Variants in XKR4 observed in about 807,000 individuals in gnomAD.
XKR4 encodes XK-related protein 4.
In XKR4, 12 loss-of-function variants were observed where a neutral mutation model predicts 53.9. That is an observed-to-expected ratio of 0.22 (90% CI 0.14 to 0.36). The LOEUF is 0.36. XKR4 is among the 10% of genes least tolerant of loss of function. The pLI is 1.00. For synonymous variants in XKR4, 354 were observed against 362.4 expected, an observed-to-expected ratio of 0.98 and a Z score of 0.26; for missense variants, 799 against 859.5, an observed-to-expected ratio of 0.93 and a Z score of 0.88.
intron 2 of XKR4, among the ~76,000 whole-genome samples, chr8:55,445,990 G>A (rs1276262256): frequency 6.6e-6 from 1 of 152,182 alleles, no homozygotes; most frequent in African/African-American, 2.4e-5. Flanking sequence ...ATCTCCTTGT[G>A]CTGTGTGAGC....
At position 55,450,482 on chromosome 8, in the gene XKR4, T is replaced by G. The variant is rs72645677; in HGVS notation, c.1007-72799T>G. ...CTGGCTCCTGCGCTGCCCCTTCTCCTCGTACAGCAGCCCCAGCTCAATGTG... is the reference window on the plus strand; with the variant it reads ...CTGGCTCCTGCGCTGCCCCTTCTCCGCGTACAGCAGCCCCAGCTCAATGTG... On this transcript the variant is annotated intron_variant, in intron 2 of 2. Coordinates refer to ENST00000327381, the MANE Select transcript of XKR4 (RefSeq NM_052898.2). 1.1e-3 allele frequency: 689 copies of G among 615,934 alleles called. 2 individuals carry two copies. Among genetic ancestry groups the G allele is most frequent in the Non-Finnish European group, 1.8e-3 (602 of 328,036 alleles). The allele number at this position is 615,934 out of a possible 1,614,324, so 38.2% of individuals were successfully genotyped here. A position where few individuals can be genotyped will look rare whatever the true frequency, so the allele number is the denominator to read the frequency against.
At chr8:55,218,887 G>A (rs988739527) in intron 1 of XKR4, among the ~76,000 whole-genome samples, 1 of 152,138 alleles carries the variant, frequency 6.6e-6, no homozygotes, top group East Asian at 1.9e-4. Context: ...TGTAGGAATT[G>A]TTCTCACATC....
At chr8:55,106,000 C>T (rs571094467) in intron 1 of XKR4, among the ~76,000 whole-genome samples, 1 of 152,290 alleles carries the variant, frequency 6.6e-6, no homozygotes, top group Non-Finnish European at 1.5e-5. Flanking sequence ...CCCTGTGCCT[C>T]TTCTAGCTTT....
At chr8:55,495,147 C>T (rs376839634) in intron 2 of XKR4, among the ~76,000 whole-genome samples, 167 of 152,334 alleles carry the variant, frequency 1.1e-3, no homozygotes, top group African/African-American at 3.9e-3. Context: ...CATGTGCACA[C>T]CCAGCCAGGC....
intron 1 of XKR4, among the ~76,000 whole-genome samples, chr8:55,290,094 T>C (rs1427516716): frequency 6.6e-6 from 1 of 152,010 alleles, no homozygotes; most frequent in African/African-American, 2.4e-5. Flanking sequence ...ACCAATAATA[T>C]TGAATTTTTG....
intron 1 of XKR4, among the ~76,000 whole-genome samples, chr8:55,228,748 A>C (rs1022940045): frequency 6.6e-6 from 1 of 152,128 alleles, no homozygotes; most frequent in Admixed American, 6.5e-5. Flanking sequence ...CGCCATGTCT[A>C]TATTCTTCAT....
At chr8:55,291,272 A>G (rs541127561) in intron 1 of XKR4, among the ~76,000 whole-genome samples, 1 of 152,300 alleles carries the variant, frequency 6.6e-6, no homozygotes, top group East Asian at 1.9e-4. Context: ...CTATAGATGT[A>G]TAATAAGTCT....
At chr8:55,438,856 A>G (rs74494241) in intron 2 of XKR4, among the ~76,000 whole-genome samples, 8,461 of 152,232 alleles carry the variant, frequency 0.056, 541 homozygotes, top group African/African-American at 0.16. Context: ...AGCAACAAGT[A>G]TGATGCTAGC....
chr8:55,292,225 G>A (rs1372618879), intron 1 of XKR4, among the ~76,000 whole-genome samples: 1 of 152,082 alleles, frequency 6.6e-6, no homozygotes, highest in Non-Finnish European at 1.5e-5. Flanking sequence ...TCTATATTTT[G>A]GAAGAGTGTA....
chr8:55,305,399 AG>A (rs1404291701), intron 1 of XKR4, among the ~76,000 whole-genome samples: 1 of 152,112 alleles, frequency 6.6e-6, no homozygotes, highest in Non-Finnish European at 1.5e-5. Context: ...ACCCAGAGAA[AG>A]GAGGGGGTCA....
intron 1 of XKR4, among the ~76,000 whole-genome samples, chr8:55,174,618 G>A (rs1021697276): frequency 6.6e-6 from 1 of 152,178 alleles, no homozygotes; most frequent in East Asian, 1.9e-4. Context: ...ATAGCTGAAT[G>A]GCTCTTTGTT....
intron 1 of XKR4, among the ~76,000 whole-genome samples, chr8:55,177,351 A>C (rs912174146): frequency 6.6e-6 from 1 of 152,142 alleles, no homozygotes; most frequent in African/African-American, 2.4e-5. Context: ...CTTAACTATA[A>C]GACAATTTGA....
At chr8:55,286,077 C>A (rs527782020) in intron 1 of XKR4, among the ~76,000 whole-genome samples, 7 of 152,180 alleles carry the variant, frequency 4.6e-5, no homozygotes, top group Non-Finnish European at 8.8e-5. Flanking sequence ...TTGGGAACAG[C>A]AGTCACATTT....
intron 2 of XKR4, among the ~76,000 whole-genome samples, chr8:55,457,099 G>A (rs1433121992): frequency 6.6e-6 from 1 of 150,402 alleles, no homozygotes; most frequent in Non-Finnish European, 1.5e-5. Flanking sequence ...GTGAAGACCA[G>A]GAAGCAGTAA....
chr8:55,412,990 A>G (rs1804797247), intron 2 of XKR4, among the ~76,000 whole-genome samples: 3 of 152,250 alleles, frequency 2.0e-5, no homozygotes, highest in African/African-American at 7.2e-5. Flanking sequence ...TCAGATAACA[A>G]TGTCATTGAC....
intron 1 of XKR4, among the ~76,000 whole-genome samples, chr8:55,290,079 T>C (rs930525646): frequency 6.6e-6 from 1 of 152,084 alleles, no homozygotes; most frequent in African/African-American, 2.4e-5. Context: ...TTCATTTTCC[T>C]AGTGACCAAT....
At position 55,529,662 on chromosome 8, in the gene XKR4, C is replaced by T. The variant is rs1294191798; in HGVS notation, c.*5435C>T. 6.6e-6 allele frequency: 1 copy of T among 152,182 alleles called. No homozygotes were observed. Among genetic ancestry groups the T allele is most frequent in the Non-Finnish European group, 1.5e-5 (1 of 68,034 alleles). The allele number at this position is 152,182 out of a possible 1,614,324, so 9.4% of individuals were successfully genotyped here. ...AAACAGTGGGGCTGAGGGTTGAGCA[C>T]AGCTTTCAACAACTGCGACTTCTGG... is the stretch of plus-strand genomic sequence containing the variant. On this transcript the variant is annotated 3_prime_UTR_variant, in exon 3 of 3. Coordinates refer to ENST00000327381, the MANE Select transcript of XKR4 (RefSeq NM_052898.2).
intron 2 of XKR4, chr8:55,454,264 G>A (rs1436564810): frequency 4.6e-6 from 6 of 1,305,378 alleles, no homozygotes; most frequent in South Asian, 1.2e-5. Context: ...CTACAATCAC[G>A]TCTAGCAGCT....
At chr8:55,223,774 TA>T (rs1817915975) in intron 1 of XKR4, among the ~76,000 whole-genome samples, 1 of 152,188 alleles carries the variant, frequency 6.6e-6, no homozygotes, top group Non-Finnish European at 1.5e-5. Context: ...AGCAGAAAGA[TA>T]TTGTTACCTT....
Sources: allele counts gnomAD v4.1 joint callset (sites outside exome capture counted in the v4.1 genomes callset), GRCh38; gene constraint gnomAD v4.1.1; transcripts MANE v1.5; gene names NCBI Gene and HGNC (gene_info 2026-07-23, HGNC 2026-07-21).